The following MDGA2 variants were observed in gnomAD, a reference collection of about 807,000 sequenced individuals.
The protein encoded by MDGA2 is MAM domain containing glycosylphosphatidylinositol anchor 2.
MDGA2 carries 40 observed loss-of-function variants against 117.8 expected under a neutral mutation model. That is an observed-to-expected ratio of 0.34 (90% CI 0.26 to 0.44). The LOEUF (loss-of-function observed/expected upper bound fraction) is 0.44, where lower values mean the gene tolerates loss of function less well. Ranked by LOEUF, MDGA2 falls within the 20% of genes least tolerant of loss-of-function variation. The pLI is 1.00. For synonymous variants in MDGA2, 452 were observed against 439.0 expected (o/e 1.03, Z -0.37); for missense variants, 1,123 against 1,250.6 (o/e 0.90, Z 1.54).
At chr14:47,390,953 C>A (rs1891880542) in intron 1 of MDGA2, among the ~76,000 whole-genome samples, 1 of 152,082 alleles carries the variant, frequency 6.6e-6, no homozygotes, top group African/African-American at 2.4e-5. Flanking sequence ...TTTTCCAACC[C>A]TTATCCTGGC....
intron 1 of MDGA2, among the ~76,000 whole-genome samples, chr14:47,619,252 C>T (rs929221489): frequency 6.6e-6 from 1 of 151,894 alleles, no homozygotes; most frequent in Non-Finnish European, 1.5e-5. Context: ...TAAATAGTAA[C>T]TAATAATTTT....
At chr14:47,373,936 A>G (rs556488907) in intron 1 of MDGA2, among the ~76,000 whole-genome samples, 1 of 152,282 alleles carries the variant, frequency 6.6e-6, no homozygotes, top group South Asian at 2.1e-4. Context: ...AAAACCTTAT[A>G]ATAAGCCATC....
chr14:47,022,747 C>T (rs1189631747), intron 8 of MDGA2, among the ~76,000 whole-genome samples: 1 of 151,920 alleles, frequency 6.6e-6, no homozygotes, highest in Non-Finnish European at 1.5e-5. Flanking sequence ...ATATTCATGA[C>T]ATAGGGAATG....
intron 1 of MDGA2, among the ~76,000 whole-genome samples, chr14:47,656,553 T>C (rs1187727526): frequency 2.0e-5 from 3 of 152,158 alleles, no homozygotes; most frequent in Non-Finnish European, 4.4e-5. Flanking sequence ...CATAGTCTTA[T>C]TGGCAGCAGT....
chr14:47,384,025 T>TAA (rs60630027), intron 1 of MDGA2, among the ~76,000 whole-genome samples: 4 of 143,956 alleles, frequency 2.8e-5, no homozygotes, highest in Admixed American at 1.4e-4. Context: ...AATAGATAGA[T>TAA]TAGATAAAGA....
chr14:47,131,726 A>C lies in MDGA2; in HGVS notation c.913T>G (p.Ser305Ala). The C allele has an allele frequency of 6.5e-7, 1 of 1,528,660 alleles. No individual in the cohort carries two copies. The highest frequency in any genetic ancestry group is 8.9e-7 in the Non-Finnish European group (1 of 1,122,240). The allele number at this position is 1,528,660 out of a possible 1,614,324, so 94.7% of individuals were successfully genotyped here. A position where few individuals can be genotyped will look rare whatever the true frequency, so the allele number is the denominator to read the frequency against. The stretch of plus-strand genomic sequence containing the variant: ...GATAATTCCATACCTGTTTTATTGG[A>C]CAGTCTAAACGACACCATCTTATCA... ...IPDKMVSFRL[S>A]NKTASPSIKL... The change falls in exon 5 of 17, where the codon TCC becomes GCC. Residue 305 changes from serine to alanine, a missense_variant. Transcript: ENST00000399232.
intron 9 of MDGA2, among the ~76,000 whole-genome samples, chr14:46,925,816 A>G (rs1209139588): frequency 1.3e-5 from 2 of 152,160 alleles, no homozygotes; most frequent in African/African-American, 4.8e-5. Context: ...GATCTTAAAG[A>G]AGAAAAAATC....
chr14:47,648,081 C>A (rs965705591), intron 1 of MDGA2, among the ~76,000 whole-genome samples: 5 of 152,036 alleles, frequency 3.3e-5, no homozygotes, highest in Non-Finnish European at 7.4e-5. Context: ...TATCTACTCA[C>A]ACACACACAA....
intron 1 of MDGA2, among the ~76,000 whole-genome samples, chr14:47,425,698 C>T (rs927452524): frequency 6.6e-6 from 1 of 152,022 alleles, no homozygotes. Context: ...TTTTGATATA[C>T]TATTCCTGAG....
chr14:46,865,191 T>A (rs1350449743), intron 14 of MDGA2, among the ~76,000 whole-genome samples: 1 of 152,086 alleles, frequency 6.6e-6, no homozygotes, highest in African/African-American at 2.4e-5. Context: ...TTTCTCAATA[T>A]CTTGTATAAA....
chr14:46,942,098 T>C (rs1442124189), intron 9 of MDGA2, among the ~76,000 whole-genome samples: 1 of 152,290 alleles, frequency 6.6e-6, no homozygotes, highest in Non-Finnish European at 1.5e-5. Flanking sequence ...TCGCTGTCTC[T>C]TAATGCAAGA....
chr14:47,674,137 T>C (rs1339963611), intron 1 of MDGA2, among the ~76,000 whole-genome samples: 1 of 117,482 alleles, frequency 8.5e-6, no homozygotes, highest in South Asian at 2.7e-4. Flanking sequence ...GGGGTCACAC[T>C]GGAAGCTTCC....
At chr14:47,552,013 T>C (rs1163170826) in intron 1 of MDGA2, among the ~76,000 whole-genome samples, 3 of 152,222 alleles carry the variant, frequency 2.0e-5, no homozygotes. Flanking sequence ...TTCTGAAAGA[T>C]TTATGATCAT....
At chr14:47,062,239 T>C (rs1314146268) in intron 6 of MDGA2, among the ~76,000 whole-genome samples, 1 of 152,050 alleles carries the variant, frequency 6.6e-6, no homozygotes, top group Non-Finnish European at 1.5e-5. Context: ...AACTGTTTGT[T>C]GGCTCTCTAA....
At chr14:47,436,864 G>A (rs1394823479) in intron 1 of MDGA2, among the ~76,000 whole-genome samples, 1 of 152,060 alleles carries the variant, frequency 6.6e-6, no homozygotes, top group Non-Finnish European at 1.5e-5. Context: ...CTTGATACAT[G>A]CTCACTGCAT....
At chr14:47,133,357 A>T (rs1055126986) in intron 4 of MDGA2, among the ~76,000 whole-genome samples, 1 of 151,950 alleles carries the variant, frequency 6.6e-6, no homozygotes, top group Non-Finnish European at 1.5e-5. Flanking sequence ...TGCTAGAATT[A>T]GTCAACTCAG....
intron 2 of MDGA2, among the ~76,000 whole-genome samples, chr14:47,298,624 G>A (rs1017681012): frequency 6.6e-6 from 1 of 151,688 alleles, no homozygotes; most frequent in African/African-American, 2.4e-5. Flanking sequence ...CAGGGCCCAG[G>A]TGTTCTGTCA....
chr14:47,077,769 T>C (rs1358316801), intron 6 of MDGA2, among the ~76,000 whole-genome samples: 3 of 151,954 alleles, frequency 2.0e-5, no homozygotes, highest in African/African-American at 7.2e-5. Flanking sequence ...TATTACACAG[T>C]AAACATTACG....
In MDGA2 at chr14:47,537,573, T is replaced by TAAAA. The variant is rs1566504353; in HGVS notation, c.280+136943_280+136944insTTTT. Among the ~76,000 whole-genome samples the TAAAA allele has an allele frequency of 1.0e-3, 58 of 57,102 alleles. 9 individuals carry two copies. Among genetic ancestry groups the TAAAA allele is most frequent in the African/African-American group, 2.2e-3 (37 of 17,186 alleles). The allele number at this position is 57,102 out of a possible 152,430, so 37.5% of individuals were successfully genotyped here. A position where few individuals can be genotyped will look rare whatever the true frequency, so the allele number is the denominator to read the frequency against. ...ATTATCCACTGTTACCTTCTCTCTG[T>TAAAA]TAAAAAAAAAAAAAAAAAAAAAAAA... On this transcript the variant is annotated intron_variant, in intron 1 of 16. Coordinates refer to ENST00000399232, the MANE Select transcript of MDGA2 (RefSeq NM_001113498.3).
Sources: allele counts gnomAD v4.1 joint callset (sites outside exome capture counted in the v4.1 genomes callset), GRCh38; gene constraint gnomAD v4.1.1; transcripts MANE v1.5; gene names NCBI Gene and HGNC (gene_info 2026-07-23, HGNC 2026-07-21).